Variants in TPO observed in about 807,000 individuals in gnomAD.
The protein encoded by TPO is thyroid peroxidase, also known as thyroid microsomal antigen.
A neutral mutation model predicts 96.9 loss-of-function variants in TPO; 78 were observed. That is an observed-to-expected ratio of 0.81 (90% CI 0.67 to 0.97). The LOEUF is 0.97. Ranked by LOEUF, TPO falls within the 50% of genes least tolerant of loss-of-function variation. TPO has a pLI of 0.00. For missense variants in TPO, 1,252 were observed against 1,274.8 expected (o/e 0.98, Z 0.27); for synonymous variants, 547 against 538.0 (o/e 1.02, Z -0.23).
intron 4 of TPO, among the ~76,000 whole-genome samples, chr2:1,434,971 T>C (rs1165644151): frequency 3.3e-5 from 5 of 152,116 alleles, no homozygotes; most frequent in Non-Finnish European, 1.5e-5. Flanking sequence ...TCTCCCTCTG[T>C]CGCCCAGGCT....
At chr2:1,428,076 G>A (rs541316418) in intron 3 of TPO, among the ~76,000 whole-genome samples, 43 of 152,294 alleles carry the variant, frequency 2.8e-4, no homozygotes, top group Non-Finnish European at 5.4e-4. Context: ...CATTAAGAAT[G>A]CGAAACCAGC....
intron 14 of TPO, among the ~76,000 whole-genome samples, chr2:1,516,230 C>T (rs1674688792): frequency 6.6e-6 from 1 of 152,200 alleles, no homozygotes; most frequent in Non-Finnish European, 1.5e-5. Flanking sequence ...CTCCTCTGTC[C>T]CATCAGGCCT....
At chr2:1,429,257 A>C (rs1664741114) in intron 3 of TPO, among the ~76,000 whole-genome samples, 1 of 152,116 alleles carries the variant, frequency 6.6e-6, no homozygotes, top group East Asian at 1.9e-4. Flanking sequence ...ACCACTCCCC[A>C]TTCAACTTCT....
At chr2:1,494,294 G>A (rs560480973) in intron 11 of TPO, among the ~76,000 whole-genome samples, 5 of 152,328 alleles carry the variant, frequency 3.3e-5, no homozygotes, top group Admixed American at 2.0e-4. Flanking sequence ...CCAACCACAC[G>A]AGCAAGCAGG....
In TPO at chr2:1,414,493, C is replaced by G; in HGVS notation, c.85C>G (p.Leu29Val). 1 of 1,613,914 alleles carries G rather than the reference C, an allele frequency of 6.2e-7. No individual in the cohort carries two copies. The highest frequency in any genetic ancestry group is 8.5e-7 in the Non-Finnish European group (1 of 1,179,928). The change falls in exon 2 of 17, where the codon CTC becomes GTC. Residue 29 changes from leucine to valine, a missense_variant. Transcript: ENST00000329066. ...FFPFISRGKE[L>V]LWGKPEESRV... ...CCCCTTCATCTCGAGAGGGAAAGAACTCCTTTGGGGTAAGTAGCAAACACA... is the reference window on the plus strand; with the variant it reads ...CCCCTTCATCTCGAGAGGGAAAGAAGTCCTTTGGGGTAAGTAGCAAACACA...
At chr2:1,443,439 C>A (rs1237137025) in intron 5 of TPO, among the ~76,000 whole-genome samples, 3 of 140,444 alleles carry the variant, frequency 2.1e-5, no homozygotes, top group Non-Finnish European at 4.6e-5. Context: ...AATGGGCAGG[C>A]TCCTTCTTGT....
chr2:1,422,945 G>T, intron 2 of TPO, 100 bp from the exon 3 acceptor site: 1 of 1,320,886 alleles, frequency 7.6e-7, no homozygotes, highest in Non-Finnish European at 1.1e-6. Context: ...AAGCCACGTG[G>T]GCATCACCGC....
chr2:1,520,070 C>A (rs184196597), intron 15 of TPO, among the ~76,000 whole-genome samples: 1 of 152,180 alleles, frequency 6.6e-6, no homozygotes, highest in South Asian at 2.1e-4. Context: ...CTTGAGAACA[C>A]AGGCAGTTAC....
intron 15 of TPO, among the ~76,000 whole-genome samples, chr2:1,530,863 G>A (rs1321650451): frequency 1.6e-4 from 13 of 79,104 alleles, no homozygotes; most frequent in Admixed American, 3.2e-4. Flanking sequence ...TACCCCCACT[G>A]TGTGCAACCT....
At chr2:1,540,910 G>C in intron 16 of TPO, 187 bp downstream of exon 16, 1 of 1,541,956 alleles carries the variant, frequency 6.5e-7, no homozygotes, top group Non-Finnish European at 8.8e-7. Context: ...ATGTGAGCCT[G>C]CTTAGTGAGA....
intron 15 of TPO, among the ~76,000 whole-genome samples, chr2:1,537,676 C>CG (rs1173598832): frequency 7.3e-6 from 1 of 137,656 alleles, no homozygotes; most frequent in Admixed American, 7.4e-5. Context: ...CGCAAATCCC[C>CG]CTACTCTGTG....
chr2:1,525,043 C>A (rs1474388913), intron 15 of TPO, among the ~76,000 whole-genome samples: 1 of 80,420 alleles, frequency 1.2e-5, no homozygotes, highest in East Asian at 3.6e-4. Flanking sequence ...TCTGTGCAAC[C>A]TCCCCCTATC....
chr2:1,422,979 A>C, intron 2 of TPO, 66 bp from the exon 3 acceptor site: 3 of 1,564,408 alleles, frequency 1.9e-6, no homozygotes, highest in Non-Finnish European at 2.6e-6. Context: ...TGAGGAACAA[A>C]GCAACACTGT....
In TPO at chr2:1,477,550, G is replaced by A; in HGVS notation, c.1284G>A (p.Trp428Ter). The change falls in exon 8 of 17, where the codon TGG becomes TGA. Residue 428 changes from tryptophan (W) to a stop codon, truncating the protein, a stop_gained. Transcript: ENST00000329066. LOFTEE classifies it high-confidence loss of function. ...CGCTCAAGGCCCTCAATGCGCACTG[G>A]AGCGCGGACGCCGTGTACCAGGAGG... ...AAALKALNAH[W>*]SADAVYQEAR... 1 of 1,536,054 alleles carries A rather than the reference G, an allele frequency of 6.5e-7. No homozygotes were observed. Among genetic ancestry groups the A allele is most frequent in the East Asian group, 2.4e-5 (1 of 41,066 alleles).
intron 1 of TPO, among the ~76,000 whole-genome samples, chr2:1,404,550 AGAG>A (rs752019021): frequency 3.9e-5 from 6 of 152,192 alleles, no homozygotes; most frequent in African/African-American, 9.7e-5. Context: ...TTTAATAAGA[AGAG>A]GAGATTAGGA....
chr2:1,428,546 C>A (rs1016141381), intron 3 of TPO, among the ~76,000 whole-genome samples: 1 of 152,168 alleles, frequency 6.6e-6, no homozygotes, highest in Non-Finnish European at 1.5e-5. Flanking sequence ...GTTTCCCAGA[C>A]CCCTGCTTTC....
chr2:1,530,175 C>A (rs1216833846), intron 15 of TPO, among the ~76,000 whole-genome samples: 1 of 115,396 alleles, frequency 8.7e-6, no homozygotes, highest in African/African-American at 3.8e-5. Context: ...TCAAATCCCC[C>A]CACTGTGTCC....
At chr2:1,542,149 T>C in intron 16 of TPO, 1 of 573,414 alleles carries the variant, frequency 1.7e-6, no homozygotes, top group Non-Finnish European at 3.1e-6. Context: ...GCACGGCTTC[T>C]TCCTGAAGGA....
intron 1 of TPO, among the ~76,000 whole-genome samples, chr2:1,385,191 C>G (rs1313272612): frequency 3.9e-5 from 6 of 152,118 alleles, no homozygotes; most frequent in Non-Finnish European, 5.9e-5. Context: ...GTGTCTCTGC[C>G]AGGCTTTGGT....
Sources: allele counts gnomAD v4.1 joint callset (sites outside exome capture counted in the v4.1 genomes callset), GRCh38; gene constraint gnomAD v4.1.1; transcripts MANE v1.5; gene names NCBI Gene and HGNC (gene_info 2026-07-23, HGNC 2026-07-21).